The following RAB3C variants were observed in gnomAD, a reference collection of about 807,000 sequenced individuals.
RAB3C encodes the protein RAB3C, member RAS oncogene family.
RAB3C carries 17 observed loss-of-function variants against 26.4 expected under a neutral mutation model. That is an observed-to-expected ratio of 0.64 (90% CI 0.44 to 0.97). The LOEUF (loss-of-function observed/expected upper bound fraction) is 0.97. RAB3C is among the 50% of genes least tolerant of loss of function. The probability of loss-of-function intolerance (pLI) is 0.00; values close to 1 mark genes in which losing one functional copy is unlikely to be tolerated. For missense variants in RAB3C, 242 were observed against 281.9 expected, an observed-to-expected ratio of 0.86 and a Z score of 1.01; for synonymous variants, 91 against 95.9, an observed-to-expected ratio of 0.95 and a Z score of 0.30.
intron 2 of RAB3C, among the ~76,000 whole-genome samples, chr5:58,648,990 G>T (rs142334056): frequency 6.6e-6 from 1 of 152,136 alleles, no homozygotes; most frequent in East Asian, 1.9e-4. Context: ...AATCACCGAG[G>T]TTATAAACCA....
intron 3 of RAB3C, among the ~76,000 whole-genome samples, chr5:58,726,522 A>G (rs189422168): frequency 1.3e-5 from 2 of 151,944 alleles, no homozygotes; most frequent in Non-Finnish European, 2.9e-5. Flanking sequence ...TTTTATTAGA[A>G]TACACTCCCC....
At chr5:58,850,511 C>T (rs970334676) in intron 4 of RAB3C, among the ~76,000 whole-genome samples, 4 of 152,142 alleles carry the variant, frequency 2.6e-5, no homozygotes, top group Non-Finnish European at 4.4e-5. Context: ...CTTTTAGATA[C>T]TGACAATTTA....
chr5:58,607,183 G>A (rs1305092987), intron 1 of RAB3C, among the ~76,000 whole-genome samples: 1 of 152,138 alleles, frequency 6.6e-6, no homozygotes, highest in Non-Finnish European at 1.5e-5. Context: ...TAGATGAATG[G>A]CTAACTAGAA....
intron 2 of RAB3C, among the ~76,000 whole-genome samples, chr5:58,633,558 C>A (rs1172357090): frequency 1.3e-5 from 2 of 152,136 alleles, no homozygotes; most frequent in East Asian, 3.8e-4. Flanking sequence ...TGAGATGAGA[C>A]CAACAGTTAA....
At chr5:58,724,670 G>A (rs1201875375) in intron 2 of RAB3C, among the ~76,000 whole-genome samples, 1 of 151,488 alleles carries the variant, frequency 6.6e-6, no homozygotes, top group Non-Finnish European at 1.5e-5. Context: ...GGTACTTTGA[G>A]CGGGTTCTTT....
chr5:58,793,551 T>A (rs1390251274), intron 3 of RAB3C, among the ~76,000 whole-genome samples: 28 of 147,014 alleles, frequency 1.9e-4, no homozygotes, highest in African/African-American at 6.5e-4. Flanking sequence ...AAAAAAAAAA[T>A]TCCTAAGTGT....
chr5:58,740,393 C>T (rs1741251051), intron 3 of RAB3C, among the ~76,000 whole-genome samples: 2 of 152,202 alleles, frequency 1.3e-5, no homozygotes, highest in Admixed American at 1.3e-4. Context: ...CAAAGCAGAC[C>T]CACCTGGTTG....
intron 3 of RAB3C, among the ~76,000 whole-genome samples, chr5:58,764,098 T>G (rs1021591776): frequency 6.6e-6 from 1 of 152,180 alleles, no homozygotes; most frequent in African/African-American, 2.4e-5. Context: ...TATATCAAAT[T>G]TTGATATCTT....
intron 2 of RAB3C, among the ~76,000 whole-genome samples, chr5:58,635,798 T>C (rs1210428075): frequency 6.6e-6 from 1 of 152,188 alleles, no homozygotes; most frequent in African/African-American, 2.4e-5. Flanking sequence ...GATCATGATA[T>C]AGCTAATAAG....
chr5:58,649,909 T>G (rs1747607812), intron 2 of RAB3C, among the ~76,000 whole-genome samples: 1 of 152,184 alleles, frequency 6.6e-6, no homozygotes, highest in South Asian at 2.1e-4. Flanking sequence ...AAGCCTTAGC[T>G]CAAAAAGCAG....
chr5:58,600,027 A>C (rs1228272318), intron 1 of RAB3C, among the ~76,000 whole-genome samples: 1 of 152,156 alleles, frequency 6.6e-6, no homozygotes, highest in Non-Finnish European at 1.5e-5. Context: ...ATTTTTGTTT[A>C]AGGTGAAAGA....
chr5:58,650,337 G>T (rs1250214813), intron 2 of RAB3C, among the ~76,000 whole-genome samples: 1 of 151,968 alleles, frequency 6.6e-6, no homozygotes, highest in Admixed American at 6.6e-5. Context: ...AAGAAGGAGA[G>T]GAAATAAGAG....
chr5:58,736,641 G>A (rs544534679), intron 3 of RAB3C, among the ~76,000 whole-genome samples: 1 of 152,262 alleles, frequency 6.6e-6, no homozygotes, highest in African/African-American at 2.4e-5. Context: ...CTATATTAAA[G>A]GCTCTCTCTG....
At chr5:58,704,447 T>C (rs893056455) in intron 2 of RAB3C, among the ~76,000 whole-genome samples, 1 of 152,132 alleles carries the variant, frequency 6.6e-6, no homozygotes, top group African/African-American at 2.4e-5. Context: ...CATCAATATC[T>C]CTATTTCCTG....
At chr5:58,829,605 C>T (rs1431957676) in intron 4 of RAB3C, among the ~76,000 whole-genome samples, 2 of 152,156 alleles carry the variant, frequency 1.3e-5, no homozygotes, top group Non-Finnish European at 2.9e-5. Context: ...GAGGAGAAGT[C>T]ATTATTAATA....
At chr5:58,658,985 G>A (rs1291863224) in intron 2 of RAB3C, among the ~76,000 whole-genome samples, 1 of 152,104 alleles carries the variant, frequency 6.6e-6, no homozygotes, top group Non-Finnish European at 1.5e-5. Flanking sequence ...AAAGGAGTAG[G>A]GAAATAGCTG....
rs142495093 is a variant in RAB3C at position 58,786,550 on chromosome 5, C to A, written c.372-38488C>A. ...GTGGCTTGTCTCAGCTCTTCTCCTGCCCTGGTTCTTCCATGCTCTGTGTAT... is the reference window on the plus strand; with the variant it reads ...GTGGCTTGTCTCAGCTCTTCTCCTGACCTGGTTCTTCCATGCTCTGTGTAT... On this transcript the variant is annotated intron_variant, in intron 3 of 4. Transcript: ENST00000282878. Among the ~76,000 whole-genome samples the A allele has an allele frequency of 2.4e-3, 359 of 152,234 alleles. 1 individual carries two copies. The highest frequency in any genetic ancestry group is 8.5e-3 in the African/African-American group (352 of 41,542).
Position 58,603,119 on chromosome 5 carries a change from T to C in RAB3C, c.25-14524T>C, listed in dbSNP as rs145895784. Among the ~76,000 whole-genome samples the C allele has an allele frequency of 8.3e-3, 1,262 of 152,256 alleles. 14 individuals carry two copies. The highest frequency in any genetic ancestry group is 0.029 in the African/African-American group (1,204 of 41,526). On this transcript the variant is annotated intron_variant, in intron 1 of 4. Coordinates refer to ENST00000282878, the MANE Select transcript of RAB3C (RefSeq NM_138453.4). ...AATTCTTGGCTGATAATCGTTTTGT[T>C]TGAGGAAGCTGAAGATATGGCCCCA...
rs1220018092 is a variant in RAB3C at position 58,853,505 on chromosome 5, A to C, written c.*2154A>C. On this transcript the variant is annotated 3_prime_UTR_variant, in exon 5 of 5. Coordinates refer to ENST00000282878, the MANE Select transcript of RAB3C (RefSeq NM_138453.4). The stretch of plus-strand genomic sequence containing the variant: ...TTGTGGTAAAATGAAAAGCAAAATG[A>C]GACAGTATTTAAAAGTGAAAGAGCA... 6.6e-6 allele frequency: 1 copy of C among 152,190 alleles called. No homozygotes were observed. Among genetic ancestry groups the C allele is most frequent in the Non-Finnish European group, 1.5e-5 (1 of 68,040 alleles). The allele number at this position is 152,190 out of a possible 1,614,324, so 9.4% of individuals were successfully genotyped here. A position where few individuals can be genotyped will look rare whatever the true frequency, so the allele number is the denominator to read the frequency against.
Sources: gnomAD v4.1 joint callset for allele counts (sites outside exome capture counted in the v4.1 genomes callset) on GRCh38, gnomAD v4.1.1 for gene constraint, MANE v1.5 for transcripts, NCBI Gene and HGNC (gene_info 2026-07-23, HGNC 2026-07-21) for gene names.